SMARCA2: variants seen among roughly 807,000 people sequenced by gnomAD.
The protein encoded by SMARCA2 is SWI/SNF-related matrix-associated actin-dependent regulator of chromatin subfamily A member 2.
A neutral mutation model predicts 199.8 loss-of-function variants in SMARCA2; 61 were observed. The ratio of observed to expected loss-of-function variants is 0.31; its 90% confidence interval spans 0.25 to 0.38. The LOEUF (loss-of-function observed/expected upper bound fraction) is 0.38, where lower values mean the gene tolerates loss of function less well. Among genes scored for constraint, SMARCA2 ranks in the 10% least tolerant of loss-of-function variants. SMARCA2 has a pLI of 1.00. For synonymous variants in SMARCA2, 935 were observed against 732.0 expected, an observed-to-expected ratio of 1.28 and a Z score of -4.48; for missense variants, 1,344 against 2,012.2, an observed-to-expected ratio of 0.67 and a Z score of 6.35.
chr9:2,153,431 G>T lies in SMARCA2; in HGVS notation c.3982-8255G>T, dbSNP rs571491296. 2.0e-5 allele frequency among the ~76,000 whole-genome samples: 3 copies of T among 152,228 alleles called. No individual in the cohort carries two copies. The South Asian group carries it at 6.2e-4, about 32-fold the overall frequency. ...GCCTGTAGTCCCAGCTCTCAGGAGG[G>T]TGAGGTGGGAGGATTGCTTGAGCCC... On this transcript the variant is annotated intron_variant, in intron 27 of 33. Coordinates refer to ENST00000349721, the MANE Select transcript of SMARCA2 (RefSeq NM_003070.5).
intron 27 of SMARCA2, among the ~76,000 whole-genome samples, chr9:2,147,448 A>G (rs962581259): frequency 6.6e-6 from 1 of 152,216 alleles, no homozygotes; most frequent in African/African-American, 2.4e-5. Flanking sequence ...CACATCTTTC[A>G]TTGTAAGGCT....
intron 3 of SMARCA2, among the ~76,000 whole-genome samples, chr9:2,035,475 C>T (rs1285124850): frequency 6.6e-6 from 1 of 152,178 alleles, no homozygotes; most frequent in Non-Finnish European, 1.5e-5. Flanking sequence ...AACCTGAAAA[C>T]TAAAACCACT....
Position 2,170,130 on chromosome 9 carries a change from G to A in SMARCA2, c.4200-289G>A, listed in dbSNP as rs1445194694. On this transcript the variant is annotated intron_variant, in intron 28 of 33. Coordinates refer to ENST00000349721, the MANE Select transcript of SMARCA2 (RefSeq NM_003070.5). The surrounding 1 kb of genome is among the most constrained non-coding windows in gnomAD (Gnocchi z 4.7). The stretch of plus-strand genomic sequence containing the variant: ...GTGGCTGCCTGTCTCCCACCTTCTG[G>A]AACAGTGAATGGAACATGTAAGAGG... Among the ~76,000 whole-genome samples, 1 of 152,160 alleles carries A rather than the reference G, an allele frequency of 6.6e-6. No homozygotes were observed. Among genetic ancestry groups the A allele is most frequent in the Non-Finnish European group, 1.5e-5 (1 of 68,014 alleles).
At chr9:2,041,482 A>G (rs1819600751) in intron 4 of SMARCA2, 2 of 398,368 alleles carry the variant, frequency 5.0e-6, no homozygotes, top group Admixed American at 4.4e-5. Context: ...TTACAAGGGC[A>G]TGAATCCCAA....
At chr9:2,032,717 A>C (rs1298211805) in intron 2 of SMARCA2, 3 of 363,918 alleles carry the variant, frequency 8.2e-6, no homozygotes, top group African/African-American at 2.1e-5. Context: ...GATATTACAA[A>C]AAACAAACAA....
intron 27 of SMARCA2, among the ~76,000 whole-genome samples, chr9:2,134,441 T>G (rs1031843439): frequency 7.2e-5 from 11 of 152,126 alleles, no homozygotes; most frequent in Admixed American, 7.2e-4. Flanking sequence ...CAACCTATAC[T>G]CACTTGGTTA....
At chr9:2,182,263 T>C in intron 31 of SMARCA2, 21 bp downstream of exon 31, 3 of 1,441,474 alleles carry the variant, frequency 2.1e-6, no homozygotes, top group Non-Finnish European at 1.9e-6. Context: ...TTAAGTTGTC[T>C]AAAAGTTCTT....
chr9:2,092,236 A>G (rs1393699141), intron 19 of SMARCA2, among the ~76,000 whole-genome samples: 1 of 152,220 alleles, frequency 6.6e-6, no homozygotes, highest in Non-Finnish European at 1.5e-5. Flanking sequence ...AATATGCTAA[A>G]ATATGTATAT....
At chr9:2,090,002 C>G (rs1821983211) in intron 19 of SMARCA2, among the ~76,000 whole-genome samples, 1 of 152,056 alleles carries the variant, frequency 6.6e-6, no homozygotes, top group East Asian at 1.9e-4. Flanking sequence ...ACTTCTAAGA[C>G]TGGCTAATAC....
Position 2,062,393 on chromosome 9 carries a change from T to TACAATACATTTACA in SMARCA2, c.1692+1407_1692+1408insACAATACATTTACA, listed in dbSNP as rs1820635706. ...GTTTTTAGTATTAAAATTTTTGTAT[T>TACAATACATTTACA]TTACATTTCTTTGTGATTAAAAGCT... On this transcript the variant is annotated intron_variant, in intron 9 of 33. Transcript: ENST00000349721. 6.6e-5 allele frequency among the ~76,000 whole-genome samples: 10 copies of TACAATACATTTACA among 152,288 alleles called. 1 individual carries two copies.
chr9:2,173,527 G>C (rs1186311549), intron 29 of SMARCA2, among the ~76,000 whole-genome samples: 1 of 152,168 alleles, frequency 6.6e-6, no homozygotes, highest in Admixed American at 6.5e-5. Flanking sequence ...TTTAGGTGTA[G>C]GTGAAGCACC....
intron 9 of SMARCA2, among the ~76,000 whole-genome samples, chr9:2,062,338 A>G (rs1466189614): frequency 6.6e-6 from 1 of 152,250 alleles, no homozygotes; most frequent in Non-Finnish European, 1.5e-5. Context: ...TAATTCAGCC[A>G]TGTGTTCTGC....
At chr9:2,063,463 A>C (rs1354414644) in intron 9 of SMARCA2, among the ~76,000 whole-genome samples, 1 of 152,228 alleles carries the variant, frequency 6.6e-6, no homozygotes, top group African/African-American at 2.4e-5. Context: ...AATCTCTGCT[A>C]TCCTTTTTAG....
At chr9:2,178,803 G>C (rs970599756) in intron 29 of SMARCA2, among the ~76,000 whole-genome samples, 1 of 152,114 alleles carries the variant, frequency 6.6e-6, no homozygotes, top group Non-Finnish European at 1.5e-5. Flanking sequence ...TATTCTATAG[G>C]TAATGTGGAA....
chr9:2,174,578 T>G (rs1278860492), intron 29 of SMARCA2, among the ~76,000 whole-genome samples: 1 of 152,062 alleles, frequency 6.6e-6, no homozygotes, highest in Non-Finnish European at 1.5e-5. Context: ...GCTTTTTAAT[T>G]TGGTCGCAAT....
chr9:2,070,073 GATAT>G (rs1821024971), intron 9 of SMARCA2, among the ~76,000 whole-genome samples: 1 of 152,116 alleles, frequency 6.6e-6, no homozygotes, highest in African/African-American at 2.4e-5. Flanking sequence ...ATTATGTCAG[GATAT>G]ATCTTCCCAC....
intron 8 of SMARCA2, among the ~76,000 whole-genome samples, chr9:2,059,462 T>G (rs1820491567): frequency 6.6e-6 from 1 of 152,210 alleles, no homozygotes; most frequent in Non-Finnish European, 1.5e-5. Flanking sequence ...GAGAGGTTTC[T>G]GACTAGACCG....
chr9:2,132,548 T>G (rs1391311900), intron 27 of SMARCA2, among the ~76,000 whole-genome samples: 1 of 152,252 alleles, frequency 6.6e-6, no homozygotes, highest in Non-Finnish European at 1.5e-5. Context: ...TTCTTGCTTT[T>G]TCTGTAAGAT....
chr9:2,126,262 C>A (rs1479370976), intron 27 of SMARCA2, among the ~76,000 whole-genome samples: 1 of 152,234 alleles, frequency 6.6e-6, no homozygotes, highest in African/African-American at 2.4e-5. Context: ...CATACTAAGT[C>A]ATCCAAGAAG....
Sources: allele counts gnomAD v4.1 joint callset (sites outside exome capture counted in the v4.1 genomes callset), GRCh38; gene constraint gnomAD v4.1.1; non-coding constraint Gnocchi (gnomAD v3.1); transcripts MANE v1.5; gene names NCBI Gene and HGNC (gene_info 2026-07-23, HGNC 2026-07-21).